SLCO2A1: variants seen among roughly 807,000 people sequenced by gnomAD.
SLCO2A1 encodes solute carrier organic anion transporter family member 2A1.
SLCO2A1 carries 60 observed loss-of-function variants against 71.7 expected under a neutral mutation model. The observed-to-expected ratio is 0.84, with a 90% CI of 0.68 to 1.04. SLCO2A1 has a LOEUF of 1.04. Among genes scored for constraint, SLCO2A1 ranks in the 50% least tolerant of loss-of-function variants. The pLI is 0.00. For missense variants in SLCO2A1, 745 were observed against 813.4 expected, an observed-to-expected ratio of 0.92 and a Z score of 1.02; for synonymous variants, 308 against 326.7, an observed-to-expected ratio of 0.94 and a Z score of 0.62.
intron 3 of SLCO2A1, among the ~76,000 whole-genome samples, chr3:133,960,896 T>C (rs550874537): frequency 2.7e-5 from 4 of 150,396 alleles, no homozygotes; most frequent in African/African-American, 9.8e-5. Flanking sequence ...AAGATAAGGG[T>C]GGGGAAGTGG....
intron 10 of SLCO2A1, 34 bp downstream of exon 10, chr3:133,945,061 G>A: frequency 6.3e-7 from 1 of 1,585,726 alleles, no homozygotes; most frequent in Non-Finnish European, 8.6e-7. Flanking sequence ...ATCCTGTGGG[G>A]CTCCTCTTGC....
intron 1 of SLCO2A1, among the ~76,000 whole-genome samples, chr3:134,027,373 A>G (rs1935719321): frequency 2.0e-5 from 3 of 152,242 alleles, no homozygotes; most frequent in South Asian, 4.1e-4. Context: ...CATTGTACAG[A>G]AAAGCACTGT....
At chr3:133,966,824 T>G (rs1387987591) in intron 3 of SLCO2A1, among the ~76,000 whole-genome samples, 2 of 152,146 alleles carry the variant, frequency 1.3e-5, no homozygotes, top group African/African-American at 4.8e-5. Flanking sequence ...GCTCTACAGC[T>G]CTACTAAGTG....
At chr3:134,019,321 T>C (rs1370731831) in intron 1 of SLCO2A1, among the ~76,000 whole-genome samples, 2 of 152,200 alleles carry the variant, frequency 1.3e-5, no homozygotes, top group Non-Finnish European at 2.9e-5. Context: ...GGATTAAATA[T>C]AGATAAAGTA....
chr3:133,956,717 G>T (rs1160258305), intron 3 of SLCO2A1, among the ~76,000 whole-genome samples: 1 of 152,184 alleles, frequency 6.6e-6, no homozygotes, highest in Non-Finnish European at 1.5e-5. Flanking sequence ...GAATTGGGGT[G>T]AAAATATAGC....
rs1359820098 is a variant in SLCO2A1, at chr3:133,947,415, C to T, written c.1136G>A (p.Gly379Glu). 4 of 1,613,636 alleles carry T rather than the reference C, an allele frequency of 2.5e-6. No homozygotes were observed. Among genetic ancestry groups the T allele is most frequent in the East Asian group, 4.5e-5 (2 of 44,864 alleles). The change falls in exon 9 of 14, where the codon GGG becomes GAG. Residue 379 changes from glycine (G) to glutamate (E), a missense_variant. Gly to Glu is a moderately conservative substitution (Grantham distance 98). Coordinates refer to ENST00000310926, the MANE Select transcript of SLCO2A1 (RefSeq NM_005630.3). ...CATGAGGATTCCTCCAAACAGCATC[C>T]CCAAGGCTGCAGCAGGGAGGTTCAC... is the stretch of plus-strand genomic sequence containing the variant. The part of the protein sequence containing the change: ...GAVNLPAAAL[G>E]MLFGGILMKR...
Position 133,935,843 on chromosome 3 carries a change from C to A in SLCO2A1, c.1745G>T (p.Arg582Leu), listed in dbSNP as rs144464929. 1.2e-6 allele frequency: 2 copies of A among 1,611,514 alleles called. No homozygotes were observed. Among genetic ancestry groups the A allele is most frequent in the African/African-American group, 2.7e-5 (2 of 74,864 alleles). ...CCTCCCCAAGCACAGCGAGTTCCACCGGATGCAGGAGTGGTCAATGGTGAG... is the reference window on the plus strand; with the variant it reads ...CCTCCCCAAGCACAGCGAGTTCCACAGGATGCAGGAGTGGTCAATGGTGAG... ...YGLTIDHSCIRWNSLCLGRRG... is the reference protein window; with the variant it reads ...YGLTIDHSCILWNSLCLGRRG... Residue 582 changes from arginine to leucine, a missense_variant, in exon 13 of 14, where the codon CGG (arginine) becomes CTG (leucine). Coordinates refer to ENST00000310926, the MANE Select transcript of SLCO2A1 (RefSeq NM_005630.3).
intron 1 of SLCO2A1, among the ~76,000 whole-genome samples, chr3:134,004,590 T>A (rs2108071571): frequency 6.6e-6 from 1 of 152,302 alleles, no homozygotes; most frequent in Middle Eastern, 3.4e-3. Context: ...CGCCTCAGCC[T>A]CCTAAAGTGT....
intron 3 of SLCO2A1, among the ~76,000 whole-genome samples, chr3:133,965,101 A>T (rs1934132651): frequency 6.6e-6 from 1 of 151,924 alleles, no homozygotes; most frequent in South Asian, 2.1e-4. Context: ...TTTATTCAGT[A>T]AGCTGATGAG....
intron 1 of SLCO2A1, among the ~76,000 whole-genome samples, chr3:133,980,146 A>C: frequency 6.6e-6 from 1 of 152,182 alleles, no homozygotes; most frequent in East Asian, 1.9e-4. Flanking sequence ...GCCCACCTCT[A>C]ATGCCTCCAG....
intron 5 of SLCO2A1, among the ~76,000 whole-genome samples, chr3:133,952,116 A>G (rs1018906081): frequency 6.6e-6 from 1 of 152,232 alleles, no homozygotes; most frequent in Non-Finnish European, 1.5e-5. Context: ...TTCCCTGGGC[A>G]CTGCCCTGAG....
chr3:133,952,414 G>C (rs569711721), intron 5 of SLCO2A1, among the ~76,000 whole-genome samples: 1 of 152,214 alleles, frequency 6.6e-6, no homozygotes, highest in South Asian at 2.1e-4. Context: ...TCTTCCTGGA[G>C]TCTGGCTCAG....
At chr3:133,938,566 G>T in intron 11 of SLCO2A1, 73 bp from the exon 12 acceptor site, 1 of 1,459,196 alleles carries the variant, frequency 6.9e-7, no homozygotes, top group Non-Finnish European at 9.6e-7. Context: ...GGGGCAGCCA[G>T]CCTCAGAGCA....
intron 1 of SLCO2A1, among the ~76,000 whole-genome samples, chr3:134,020,385 C>T (rs1935547902): frequency 6.6e-6 from 1 of 152,200 alleles, no homozygotes; most frequent in Non-Finnish European, 1.5e-5. Flanking sequence ...ATGGTCGAGG[C>T]AGCTCCTTAG....
At chr3:133,948,419 C>T (rs1576429245) in intron 8 of SLCO2A1, 117 bp downstream of exon 8, 1 of 1,084,290 alleles carries the variant, frequency 9.2e-7, no homozygotes, top group East Asian at 2.4e-5. Flanking sequence ...GGGCAGTCCT[C>T]CTCCGGACCC....
intron 10 of SLCO2A1, among the ~76,000 whole-genome samples, chr3:133,944,477 G>A (rs1342517814): frequency 1.3e-5 from 2 of 152,228 alleles, no homozygotes; most frequent in Non-Finnish European, 2.9e-5. Flanking sequence ...TTTGCCAAGT[G>A]AGTCTAGTGA....
chr3:133,951,043 C>T, intron 6 of SLCO2A1, 165 bp downstream of exon 6: 1 of 884,860 alleles, frequency 1.1e-6, no homozygotes, highest in Non-Finnish European at 1.9e-6. Context: ...TTCACCAACA[C>T]CCTCACCTCT....
intron 1 of SLCO2A1, among the ~76,000 whole-genome samples, chr3:134,024,688 A>C (rs1935661760): frequency 6.6e-6 from 1 of 152,242 alleles, no homozygotes; most frequent in South Asian, 2.1e-4. Context: ...TTGTCCTGTT[A>C]GCACAAGAAG....
chr3:133,934,618 C>T lies in SLCO2A1; in HGVS notation c.*95G>A. ...GGGTTTTCTTTCTTGTTTAAAAATA[C>T]AAAAAGGAAATGACGTGTTAACATT... On this transcript the variant is annotated 3_prime_UTR_variant, in exon 14 of 14. Transcript: ENST00000310926. 1 of 899,380 alleles carries T rather than the reference C, an allele frequency of 1.1e-6. No individual in the cohort carries two copies. Among genetic ancestry groups the T allele is most frequent in the East Asian group, 2.5e-5 (1 of 40,438 alleles). 55.7% of individuals were successfully genotyped at this position (899,380 alleles called of 1,614,324 possible).
Sources: gnomAD v4.1 joint callset for allele counts (sites outside exome capture counted in the v4.1 genomes callset) on GRCh38, gnomAD v4.1.1 for gene constraint, MANE v1.5 for transcripts, NCBI Gene and HGNC (gene_info 2026-07-23, HGNC 2026-07-21) for gene names.